PHACTR1: variants seen among roughly 807,000 people sequenced by gnomAD.
PHACTR1 encodes phosphatase and actin regulator 1.
Under a neutral mutation model 69.2 loss-of-function variants are expected in PHACTR1, and 16 were observed. The observed-to-expected ratio is 0.23, with a 90% CI of 0.16 to 0.35. PHACTR1 has a LOEUF of 0.35. Among genes scored for constraint, PHACTR1 ranks in the 10% least tolerant of loss-of-function variants. PHACTR1 has a pLI of 1.00. For synonymous variants in PHACTR1, 312 were observed against 284.5 expected (o/e 1.10, Z -0.97); for missense variants, 510 against 734.7 (o/e 0.69, Z 3.54).
At chr6:13,022,244 G>C (rs1377097920) in intron 4 of PHACTR1, among the ~76,000 whole-genome samples, 1 of 152,224 alleles carries the variant, frequency 6.6e-6, no homozygotes, top group African/African-American at 2.4e-5. Context: ...GATGAAGAGG[G>C]TGTTTGGTTA....
chr6:12,982,935 T>G (rs1311348239), intron 4 of PHACTR1, among the ~76,000 whole-genome samples: 2 of 152,236 alleles, frequency 1.3e-5, no homozygotes, highest in Non-Finnish European at 2.9e-5. Context: ...AAATGAATTT[T>G]TGAATTTCTT....
At chr6:13,062,257 T>A (rs1807792181) in intron 5 of PHACTR1, among the ~76,000 whole-genome samples, 1 of 152,168 alleles carries the variant, frequency 6.6e-6, no homozygotes, top group Non-Finnish European at 1.5e-5. Context: ...TCTCCAGTCC[T>A]CTCCCTAAGA....
chr6:12,979,807 T>C (rs1383120252), intron 4 of PHACTR1, among the ~76,000 whole-genome samples: 1 of 151,926 alleles, frequency 6.6e-6, no homozygotes, highest in African/African-American at 2.4e-5. Flanking sequence ...TGTAAGCCAC[T>C]GTGATTCTTT....
chr6:13,106,815 C>G (rs2127884856), intron 5 of PHACTR1, among the ~76,000 whole-genome samples: 1 of 151,736 alleles, frequency 6.6e-6, no homozygotes, highest in African/African-American at 2.4e-5. Flanking sequence ...CTCCTTTTTT[C>G]TATCAAAAAG....
chr6:13,115,922 A>T (rs1817749769), intron 5 of PHACTR1, among the ~76,000 whole-genome samples: 1 of 152,174 alleles, frequency 6.6e-6, no homozygotes, highest in South Asian at 2.1e-4. Flanking sequence ...GGGATTTCTC[A>T]GCTAAGCTGT....
chr6:12,862,546 C>T (rs1031485693), intron 4 of PHACTR1, among the ~76,000 whole-genome samples: 30 of 152,072 alleles, frequency 2.0e-4, no homozygotes, highest in Admixed American at 4.6e-4. Flanking sequence ...CTTACAAGCC[C>T]GAGACAAGAG....
chr6:13,005,745 T>G (rs1798706222), intron 4 of PHACTR1, among the ~76,000 whole-genome samples: 1 of 152,132 alleles, frequency 6.6e-6, no homozygotes, highest in African/African-American at 2.4e-5. Context: ...CCTCGGTGAA[T>G]TCGACGTCAT....
chr6:13,004,436 CTGTT>C lies in PHACTR1; in HGVS notation c.251-48925_251-48922del, dbSNP rs766111203. Reference sequence around the variant, plus strand: ...TTGTATGTTTTCTTTTGCAAAATGTCTGTTTGTGTCCTTTGCCCAATTTTTAATG... The same window carrying C: ...TTGTATGTTTTCTTTTGCAAAATGTCTGTGTCCTTTGCCCAATTTTTAATG... On this transcript the variant is annotated intron_variant, in intron 4 of 14. Transcript: ENST00000332995. Among the ~76,000 whole-genome samples, 9 of 152,140 alleles carry C rather than the reference CTGTT, an allele frequency of 5.9e-5. No individual in the cohort carries two copies. In the East Asian group the frequency reaches 1.5e-3, roughly 26 times the overall value.
chr6:12,978,338 G>A (rs1178487851), intron 4 of PHACTR1, among the ~76,000 whole-genome samples: 1 of 152,136 alleles, frequency 6.6e-6, no homozygotes, highest in Non-Finnish European at 1.5e-5. Context: ...GGCCTTCCAG[G>A]AGGGTCCAGT....
intron 5 of PHACTR1, among the ~76,000 whole-genome samples, chr6:13,087,368 G>T (rs557866945): frequency 1.3e-5 from 2 of 151,338 alleles, no homozygotes; most frequent in African/African-American, 4.8e-5. Context: ...TCATTTTATT[G>T]TATAACCATG....
chr6:12,983,891 G>A (rs951981212), intron 4 of PHACTR1, among the ~76,000 whole-genome samples: 25 of 152,000 alleles, frequency 1.6e-4, no homozygotes, highest in African/African-American at 4.8e-4. Flanking sequence ...CTTTTTTATC[G>A]CTGCATAGTA....
intron 10 of PHACTR1, among the ~76,000 whole-genome samples, chr6:13,268,164 A>C (rs9357660): frequency 0.17 from 26,153 of 152,158 alleles, 2,495 homozygotes; most frequent in South Asian, 0.35. Context: ...CTACTCGGGA[A>C]GCTGAGGCAG....
At chr6:13,222,679 G>A (rs1768868477) in intron 8 of PHACTR1, among the ~76,000 whole-genome samples, 1 of 152,230 alleles carries the variant, frequency 6.6e-6, no homozygotes, top group Admixed American at 6.5e-5. Flanking sequence ...CCTAATCTGG[G>A]ATGATTTTTG....
At chr6:12,830,105 G>GAAA (rs1168605379) in intron 4 of PHACTR1, among the ~76,000 whole-genome samples, 533 of 27,026 alleles carry the variant, frequency 0.02, 10 homozygotes, top group African/African-American at 0.03. Context: ...AAGAAAGAAA[G>GAAA]AAAGAAAGAA....
intron 6 of PHACTR1, among the ~76,000 whole-genome samples, chr6:13,166,470 C>T (rs572845379): frequency 1.3e-5 from 2 of 152,114 alleles, no homozygotes; most frequent in African/African-American, 2.4e-5. Flanking sequence ...TCAGCAAATG[C>T]GAATAGAAAG....
chr6:13,087,144 C>T (rs1812451775), intron 5 of PHACTR1, among the ~76,000 whole-genome samples: 3 of 146,618 alleles, frequency 2.0e-5, no homozygotes, highest in South Asian at 2.1e-4. Context: ...ATATATATAA[C>T]ATATATATTT....
At chr6:12,752,066 T>G (rs987045374) in intron 4 of PHACTR1, among the ~76,000 whole-genome samples, 1 of 152,206 alleles carries the variant, frequency 6.6e-6, no homozygotes, top group Admixed American at 6.5e-5. Flanking sequence ...TTACTACGCA[T>G]CACGCCTACT....
chr6:13,129,092 AC>A (rs1394668523), intron 5 of PHACTR1, among the ~76,000 whole-genome samples: 2 of 152,152 alleles, frequency 1.3e-5, no homozygotes, highest in African/African-American at 4.8e-5. Flanking sequence ...CTTTTTTCAG[AC>A]AAACAAATGC....
At position 13,209,877 on chromosome 6, in the gene PHACTR1, G is replaced by C. The variant is rs75279735; in HGVS notation, c.986+3741G>C. Among the ~76,000 whole-genome samples the C allele has an allele frequency of 4.7e-3, 708 of 152,234 alleles. 4 individuals are homozygous for C. Among genetic ancestry groups the C allele is most frequent in the Non-Finnish European group, 8.1e-3 (554 of 68,014 alleles). On this transcript the variant is annotated intron_variant, in intron 8 of 14. Coordinates refer to ENST00000332995, the MANE Select transcript of PHACTR1 (RefSeq NM_030948.6). ...TTCTAATCTTCCTTTCCTGTAAAAGGCTTTTAAATCTTTGAAGATAGCTAC... is the reference window on the plus strand; with the variant it reads ...TTCTAATCTTCCTTTCCTGTAAAAGCCTTTTAAATCTTTGAAGATAGCTAC...
Sources: gnomAD v4.1 joint callset for allele counts (sites outside exome capture counted in the v4.1 genomes callset) on GRCh38, gnomAD v4.1.1 for gene constraint, MANE v1.5 for transcripts, NCBI Gene and HGNC (gene_info 2026-07-23, HGNC 2026-07-21) for gene names.